TRANK1: variants seen among roughly 807,000 people sequenced by gnomAD.
The protein encoded by TRANK1 is tetratricopeptide repeat and ankyrin repeat containing 1, also known as TPR and ankyrin repeat-containing protein 1.
A neutral mutation model predicts 266.0 loss-of-function variants in TRANK1; 198 were observed. The observed-to-expected ratio is 0.74, with a 90% CI of 0.66 to 0.84. The LOEUF is 0.84. Among genes scored for constraint, TRANK1 ranks in the 40% least tolerant of loss-of-function variants. The probability of loss-of-function intolerance (pLI) is 0.00; values close to 1 mark genes in which losing one functional copy is unlikely to be tolerated. For synonymous variants in TRANK1, 1,396 were observed against 1,384.1 expected, an observed-to-expected ratio of 1.01 and a Z score of -0.19; for missense variants, 3,326 against 3,634.6, an observed-to-expected ratio of 0.92 and a Z score of 2.18.
Position 36,908,453 on chromosome 3 carries a change from T to C in TRANK1, c.25A>G (p.Met9Val). Residue 9 changes from methionine (M) to valine (V), a missense_variant and splice_region_variant, in exon 2 of 24, where the codon ATG becomes GTG. Met to Val is a conservative substitution (Grantham distance 21). Transcript: ENST00000645898. MWDPRAAR[M>V]DLTAYAELLK... ...AGCTCAGCGTAAGCTGTCAGGTCCA[T>C]CCTGTGAGGAGACGGGGGAGACGCT... 6 of 1,232,190 alleles carry C rather than the reference T, an allele frequency of 4.9e-6. No homozygotes were observed. Among genetic ancestry groups the C allele is most frequent in the Non-Finnish European group, 6.1e-6 (6 of 987,990 alleles). 76.3% of individuals were successfully genotyped at this position (1,232,190 alleles called of 1,614,324 possible).
chr3:36,885,032 A>G (rs1397591245), intron 8 of TRANK1, among the ~76,000 whole-genome samples: 1 of 152,188 alleles, frequency 6.6e-6, no homozygotes, highest in Non-Finnish European at 1.5e-5. Flanking sequence ...GTAGCTGTCA[A>G]GATCTACCAA....
rs1226310866 is a variant in TRANK1, at chr3:36,856,288, A to G, written c.3434T>C (p.Ile1145Thr). 1 of 1,594,874 alleles carries G rather than the reference A, an allele frequency of 6.3e-7. No homozygotes were observed. The highest frequency in any genetic ancestry group is 1.3e-5 in the African/African-American group (1 of 74,426). Residue 1145 changes from isoleucine to threonine, a missense_variant, in exon 13 of 24, where the codon ATT (isoleucine) becomes ACT (threonine). Transcript: ENST00000645898. Reference protein sequence around the residue: ...EEEDEEEEDSIEVETVESIDE... With the variant: ...EEEDEEEEDSTEVETVESIDE... ...TATGCTTTCTACTGTTTCCACTTCA[A>G]TAGAATCTTCCTCTTCCTCGTCCTC...
intron 1 of TRANK1, among the ~76,000 whole-genome samples, chr3:36,920,562 C>T (rs1218515234): frequency 6.6e-6 from 1 of 152,188 alleles, no homozygotes; most frequent in Non-Finnish European, 1.5e-5. Flanking sequence ...TCTGGATAAG[C>T]TTCTAGAAGA....
rs1206359994 is a variant in TRANK1 at position 36,827,084 on chromosome 3, G to A, written c.*1191C>T. The A allele has an allele frequency of 1.3e-5, 2 of 151,936 alleles. No individual in the cohort carries two copies. The highest frequency in any genetic ancestry group is 1.5e-5 in the Non-Finnish European group (1 of 68,024). The allele number at this position is 151,936 out of a possible 1,614,324, so 9.4% of individuals were successfully genotyped here. A position where few individuals can be genotyped will look rare whatever the true frequency, so the allele number is the denominator to read the frequency against. ...GAGGACAGAACAATCAAAGACCAAC[G>A]TGCACCTTGCTTTCCATACCAGGCT... On this transcript the variant is annotated 3_prime_UTR_variant, in exon 24 of 24. Transcript: ENST00000645898.
At chr3:36,854,527 G>A (rs1291002645) in intron 13 of TRANK1, among the ~76,000 whole-genome samples, 1 of 152,156 alleles carries the variant, frequency 6.6e-6, no homozygotes, top group East Asian at 1.9e-4. Flanking sequence ...AGATAAATTT[G>A]TTAGTATCTA....
At position 36,833,712 on chromosome 3, in the gene TRANK1, G is replaced by C. The variant is rs567795323; in HGVS notation, c.5871C>G (p.Asn1957Lys). ...KRLAEAADLL[N>K]REGRREEAAL... ...CAGCCTCTTCTCTCCTACCTTCCCT[G>C]TTCAGCAGGTCTGCAGCTTCTGCTA... Residue 1957 changes from asparagine to lysine, a missense_variant, in exon 22 of 24, where the codon AAC becomes AAG. Coordinates refer to ENST00000645898, the MANE Select transcript of TRANK1 (RefSeq NM_001329998.2). The C allele has an allele frequency of 6.2e-7, 1 of 1,613,994 alleles. No individual in the cohort carries two copies. The highest frequency in any genetic ancestry group is 1.7e-5 in the Admixed American group (1 of 60,020).
rs559534792 is a variant in TRANK1, at chr3:36,846,881, T to C, written c.5034+319A>G. On this transcript the variant is annotated intron_variant, in intron 16 of 23. Transcript: ENST00000645898. ...CATACACTTTTACTATAACTATCAC[T>C]AGTACTGAATTACTCCAAACCTACC... is the stretch of plus-strand genomic sequence containing the variant. 1.1e-3 allele frequency among the ~76,000 whole-genome samples: 175 copies of C among 152,314 alleles called. 1 individual carries two copies. Among genetic ancestry groups the C allele is most frequent in the Non-Finnish European group, 2.2e-3 (152 of 68,022 alleles).
At chr3:36,896,222 A>G (rs954030017) in intron 4 of TRANK1, among the ~76,000 whole-genome samples, 2 of 152,208 alleles carry the variant, frequency 1.3e-5, no homozygotes, top group African/African-American at 4.8e-5. Context: ...ATGACAAGAA[A>G]CAAGACTGGA....
At chr3:36,918,639 G>C (rs2080171953) in intron 1 of TRANK1, among the ~76,000 whole-genome samples, 2 of 129,812 alleles carry the variant, frequency 1.5e-5, no homozygotes, top group African/African-American at 6.1e-5. Flanking sequence ...AAGAAAGAAA[G>C]AGAAAGAAAG....
At position 36,833,262 on chromosome 3, in the gene TRANK1, C is replaced by T; in HGVS notation, c.6321G>A (p.Lys2107=). 6.2e-7 allele frequency: 1 copy of T among 1,614,038 alleles called. No individual in the cohort carries two copies. The highest frequency in any genetic ancestry group is 8.5e-7 in the Non-Finnish European group (1 of 1,179,898). ...ACTCAAAGCAAGATTTGACCATTTCCTTCTCAGCATTGTTGGTCACTCTTT... is the reference window on the plus strand; with the variant it reads ...ACTCAAAGCAAGATTTGACCATTTCTTTCTCAGCATTGTTGGTCACTCTTT... ...ALKRVTNNAE[K]EMVKSCFEFF... is the part of the protein sequence containing the mutation. Residue 2107 remains lysine (K), a synonymous_variant, in exon 22 of 24, where the codon AAG becomes AAA. Coordinates refer to ENST00000645898, the MANE Select transcript of TRANK1 (RefSeq NM_001329998.2).
At chr3:36,843,183 T>C (rs2078871287) in intron 17 of TRANK1, among the ~76,000 whole-genome samples, 1 of 152,166 alleles carries the variant, frequency 6.6e-6, no homozygotes, top group Non-Finnish European at 1.5e-5. Context: ...ACCTGTGTTG[T>C]CTTTCTAGTA....
rs1324886004 is a variant in TRANK1 at position 36,895,621 on chromosome 3, G to T, written c.552+19C>A. On this transcript the variant is annotated intron_variant, in intron 5 of 23. Coordinates refer to ENST00000645898, the MANE Select transcript of TRANK1 (RefSeq NM_001329998.2). Reference sequence around the variant, plus strand: ...TCAAGAATGTACTCTCCCCGTGAGAGCCATCTCCTTTTACTTACATGCCAT... The same window carrying T: ...TCAAGAATGTACTCTCCCCGTGAGATCCATCTCCTTTTACTTACATGCCAT... 10 of 1,428,180 alleles carry T rather than the reference G, an allele frequency of 7.0e-6. No individual in the cohort carries two copies. The highest frequency in any genetic ancestry group is 8.5e-6 in the Non-Finnish European group (9 of 1,054,932). 88.5% of individuals were successfully genotyped at this position (1,428,180 alleles called of 1,614,324 possible). A position where few individuals can be genotyped will look rare whatever the true frequency, so the allele number is the denominator to read the frequency against.
At position 36,917,282 on chromosome 3, in the gene TRANK1, G is replaced by T. The variant is rs6769189; in HGVS notation, c.24-8828C>A. On this transcript the variant is annotated intron_variant, in intron 1 of 23. Transcript: ENST00000645898. Reference sequence around the variant, plus strand: ...AATTTGGGAAATACACAAAAGCCTCGAATAGATAAACTTAAAACTGTCAAA... The same window carrying T: ...AATTTGGGAAATACACAAAAGCCTCTAATAGATAAACTTAAAACTGTCAAA... Among the ~76,000 whole-genome samples, 4 of 151,780 alleles carry T rather than the reference G, an allele frequency of 2.6e-5. No individual in the cohort carries two copies. In the East Asian group the frequency reaches 7.7e-4, roughly 29 times the overall value.
At chr3:36,864,229 T>C in intron 10 of TRANK1, 90 bp downstream of exon 10, 1 of 1,331,700 alleles carries the variant, frequency 7.5e-7, no homozygotes, top group Non-Finnish European at 9.9e-7. Context: ...ATTTTTATTT[T>C]TTAAAATTAA....
At chr3:36,876,610 C>T (rs1355140462) in intron 8 of TRANK1, among the ~76,000 whole-genome samples, 3 of 152,184 alleles carry the variant, frequency 2.0e-5, no homozygotes, top group Non-Finnish European at 2.9e-5. Flanking sequence ...AACCACAAAC[C>T]GCTACAGATG....
intron 11 of TRANK1, 124 bp downstream of exon 11, chr3:36,860,782 G>C: frequency 1.5e-6 from 2 of 1,353,990 alleles, no homozygotes; most frequent in South Asian, 3.0e-5. Flanking sequence ...GAATATACAG[G>C]GTAGGCAATG....
At chr3:36,842,506 G>C (rs967684172) in intron 18 of TRANK1, 116 bp downstream of exon 18, 1 of 860,702 alleles carries the variant, frequency 1.2e-6, no homozygotes, top group African/African-American at 1.7e-5. Flanking sequence ...AGAACACGTG[G>C]CACAAGCACC....
At chr3:36,909,924 G>A (rs1456503918) in intron 1 of TRANK1, among the ~76,000 whole-genome samples, 1 of 152,206 alleles carries the variant, frequency 6.6e-6, no homozygotes, top group African/African-American at 2.4e-5. Context: ...AATGTAAAGA[G>A]CTATGTACTA....
chr3:36,848,344 G>A (rs2125531042), intron 15 of TRANK1, among the ~76,000 whole-genome samples: 1 of 152,270 alleles, frequency 6.6e-6, no homozygotes, highest in African/African-American at 2.4e-5. Context: ...CGGTAGTCTG[G>A]ATTTGGCCAA....
Sources: gnomAD v4.1 joint callset for allele counts (sites outside exome capture counted in the v4.1 genomes callset) on GRCh38, gnomAD v4.1.1 for gene constraint, MANE v1.5 for transcripts, NCBI Gene and HGNC (gene_info 2026-07-23, HGNC 2026-07-21) for gene names.